Variants in SGCZ observed in about 807,000 individuals in gnomAD.
SGCZ encodes the protein zeta-sarcoglycan.
A neutral mutation model predicts 41.3 loss-of-function variants in SGCZ; 40 were observed. That is an observed-to-expected ratio of 0.97 (90% confidence interval 0.75 to 1.26). The LOEUF is 1.26. SGCZ is among the 50% of genes most tolerant of loss of function. The pLI is 0.00. For synonymous variants in SGCZ, 206 were observed against 137.5 expected (o/e 1.50, Z -3.49); for missense variants, 552 against 369.8 (o/e 1.49, Z -4.04).
intron 2 of SGCZ, among the ~76,000 whole-genome samples, chr8:14,538,053 G>A (rs1803350243): frequency 6.6e-6 from 1 of 151,776 alleles, no homozygotes; most frequent in African/African-American, 2.4e-5. Context: ...AGGCCCACTG[G>A]ACATCTTTCA....
At chr8:14,091,232 G>A (rs570153977) in intron 7 of SGCZ, among the ~76,000 whole-genome samples, 16 of 151,652 alleles carry the variant, frequency 1.1e-4, no homozygotes, top group African/African-American at 3.9e-4. Flanking sequence ...AATCTAGTGT[G>A]TCATTGATGG....
intron 5 of SGCZ, among the ~76,000 whole-genome samples, chr8:14,154,451 G>A (rs1299166698): frequency 6.6e-6 from 1 of 152,124 alleles, no homozygotes; most frequent in Non-Finnish European, 1.5e-5. Context: ...ATGGTATTTT[G>A]TTATGGGACC....
At chr8:14,620,703 T>G (rs373785072) in intron 1 of SGCZ, among the ~76,000 whole-genome samples, 2 of 152,230 alleles carry the variant, frequency 1.3e-5, no homozygotes, top group African/African-American at 2.4e-5. Context: ...CATCATCACT[T>G]GCCATCAGAG....
intron 1 of SGCZ, among the ~76,000 whole-genome samples, chr8:14,840,129 A>C (rs1242090061): frequency 1.3e-5 from 2 of 152,246 alleles, no homozygotes; most frequent in East Asian, 3.9e-4. Context: ...TGTTCAATAA[A>C]ATATTGTTAA....
intron 7 of SGCZ, among the ~76,000 whole-genome samples, chr8:14,102,096 ATATATAT>A (rs1802044373): frequency 9.3e-6 from 1 of 107,256 alleles, no homozygotes. Flanking sequence ...ATATATATAT[ATATATAT>A]AATTTTTTTT....
At chr8:15,115,040 C>G (rs1807216526) in intron 1 of SGCZ, among the ~76,000 whole-genome samples, 1 of 152,042 alleles carries the variant, frequency 6.6e-6, no homozygotes, top group East Asian at 1.9e-4. Flanking sequence ...AATACACTCT[C>G]AAATCTAAGA....
chr8:14,494,622 C>A (rs780525873), intron 2 of SGCZ, among the ~76,000 whole-genome samples: 2 of 151,964 alleles, frequency 1.3e-5, no homozygotes, highest in African/African-American at 2.4e-5. Flanking sequence ...TTCAATTTAC[C>A]AATACTTGCA....
intron 7 of SGCZ, among the ~76,000 whole-genome samples, chr8:14,092,198 C>T (rs1027710909): frequency 6.6e-6 from 1 of 151,964 alleles, no homozygotes; most frequent in African/African-American, 2.4e-5. Flanking sequence ...GGTACCAGGA[C>T]TATGCTGTTT....
chr8:14,645,293 C>T (rs959002105), intron 1 of SGCZ, among the ~76,000 whole-genome samples: 1 of 150,868 alleles, frequency 6.6e-6, no homozygotes, highest in Non-Finnish European at 1.5e-5. Flanking sequence ...CGAATTATAC[C>T]TTATGTTCTA....
Position 14,940,833 on chromosome 8 carries a change from C to T in SGCZ, c.39+296752G>A, listed in dbSNP as rs142798770. On this transcript the variant is annotated intron_variant, in intron 1 of 7. Transcript: ENST00000382080. ...AAGTGAAACCACAGAAAGGGGGAGA[C>T]GTTTTACGTGTTTTACAACACATAT... Among the ~76,000 whole-genome samples the T allele has an allele frequency of 3.9e-4, 60 of 152,008 alleles. No homozygotes were observed. The Middle Eastern group carries it at 0.017, about 43-fold the overall frequency.
intron 1 of SGCZ, among the ~76,000 whole-genome samples, chr8:15,058,792 T>C (rs750449653): frequency 1.1e-4 from 17 of 152,174 alleles, no homozygotes; most frequent in African/African-American, 2.2e-4. Flanking sequence ...ATACAGGTTA[T>C]AGGATATGTT....
At chr8:14,704,762 C>G (rs1809276941) in intron 1 of SGCZ, among the ~76,000 whole-genome samples, 2 of 151,954 alleles carry the variant, frequency 1.3e-5, no homozygotes, top group South Asian at 4.2e-4. Context: ...AGATGCTACT[C>G]CCTTCCTTCT....
chr8:14,100,737 A>G (rs891538964), intron 7 of SGCZ, among the ~76,000 whole-genome samples: 3 of 151,742 alleles, frequency 2.0e-5, no homozygotes, highest in African/African-American at 7.2e-5. Context: ...TAAATGTATA[A>G]TTACAATTCA....
At chr8:14,772,902 C>G in intron 1 of SGCZ, among the ~76,000 whole-genome samples, 1 of 151,944 alleles carries the variant, frequency 6.6e-6, no homozygotes, top group Non-Finnish European at 1.5e-5. Context: ...GTGCATGTGT[C>G]TTTATAGCAG....
At chr8:14,323,693 T>C (rs183790174) in intron 3 of SGCZ, among the ~76,000 whole-genome samples, 1 of 152,262 alleles carries the variant, frequency 6.6e-6, no homozygotes, top group African/African-American at 2.4e-5. Context: ...GTCATTTCTT[T>C]TAGAAAATGC....
chr8:14,254,049 A>G (rs943558432), intron 3 of SGCZ, among the ~76,000 whole-genome samples: 1 of 152,214 alleles, frequency 6.6e-6, no homozygotes, highest in Non-Finnish European at 1.5e-5. Context: ...GATATTAAAT[A>G]TGTTACAACC....
chr8:14,784,913 A>AATAT lies in SGCZ; in HGVS notation c.40-229991_40-229988dup, dbSNP rs1554499020. ...GTGAAACTCTGCCTCAAAAAAAAAA[A>AATAT]ATATATATATATATATATATAAAAT... On this transcript the variant is annotated intron_variant, in intron 1 of 7. Transcript: ENST00000382080. Among the ~76,000 whole-genome samples the AATAT allele has an allele frequency of 1.7e-3, 151 of 88,012 alleles. 6 individuals carry two copies. The East Asian group carries it at 0.032, about 19-fold the overall frequency. The allele number at this position is 88,012 out of a possible 152,430, so 57.7% of individuals were successfully genotyped here.
Position 14,554,790 on chromosome 8 carries a change from G to A in SGCZ, c.176C>T (p.Thr59Ile), listed in dbSNP as rs201620785. 2 of 1,612,986 alleles carry A rather than the reference G, an allele frequency of 1.2e-6. No individual in the cohort carries two copies. Among genetic ancestry groups the A allele is most frequent in the East Asian group, 2.2e-5 (1 of 44,830 alleles). The change falls in exon 2 of 8, where the codon ACC (threonine) becomes ATC (isoleucine). Residue 59 changes from threonine (T) to isoleucine (I), a missense_variant. Thr to Ile is a moderately conservative substitution (Grantham distance 89). Transcript: ENST00000382080. ...TGTCATGGCTAAGTTAACTATCATG[G>A]TAACCAACAGCAGAAGGACAAAGAA... is the stretch of plus-strand genomic sequence containing the variant. Reference protein sequence around the residue: ...LYFFVLLLLVTMIVNLAMTIW... With the variant: ...LYFFVLLLLVIMIVNLAMTIW...
intron 3 of SGCZ, among the ~76,000 whole-genome samples, chr8:14,278,652 T>A (rs7004662): frequency 0.33 from 49,610 of 151,958 alleles, 8,493 homozygotes; most frequent in South Asian, 0.47. Flanking sequence ...TAGCTGTATA[T>A]ATTCTGCCAA....
Sources: allele counts gnomAD v4.1 joint callset (sites outside exome capture counted in the v4.1 genomes callset), GRCh38; gene constraint gnomAD v4.1.1; transcripts MANE v1.5; gene names NCBI Gene and HGNC (gene_info 2026-07-23, HGNC 2026-07-21).